PLCL2: variants seen among roughly 807,000 people sequenced by gnomAD.
The protein encoded by PLCL2 is phospholipase C like 2, also known as inactive phospholipase C-like protein 2.
Under a neutral mutation model 79.6 loss-of-function variants are expected in PLCL2, and 4 were observed. The observed-to-expected ratio is 0.05, with a 90% CI of 0.02 to 0.11. The LOEUF (loss-of-function observed/expected upper bound fraction) is 0.11. Ranked by LOEUF, PLCL2 falls within the 10% of genes least tolerant of loss-of-function variation. The pLI, the probability that PLCL2 is intolerant of heterozygous loss-of-function variation, is 1.00. For missense variants in PLCL2, 895 were observed against 1,291.0 expected (o/e 0.69, Z 4.70); for synonymous variants, 484 against 457.7 (o/e 1.06, Z -0.73).
chr3:16,960,691 TTGAG>T (rs1335425134), intron 1 of PLCL2, among the ~76,000 whole-genome samples: 1 of 152,214 alleles, frequency 6.6e-6, no homozygotes, highest in Non-Finnish European at 1.5e-5. Context: ...AGTCCTGTAA[TTGAG>T]TATTTTTCAT....
At chr3:16,985,644 ATTGCCTC>A (rs1263890245) in intron 1 of PLCL2, among the ~76,000 whole-genome samples, 1 of 152,146 alleles carries the variant, frequency 6.6e-6, no homozygotes, top group African/African-American at 2.4e-5. Flanking sequence ...ACATAGTGTT[ATTGCCTC>A]TATATTACCT....
chr3:16,972,725 A>G (rs1433853561), intron 1 of PLCL2, among the ~76,000 whole-genome samples: 1 of 152,102 alleles, frequency 6.6e-6, no homozygotes, highest in East Asian at 1.9e-4. Flanking sequence ...TGTATCCTTT[A>G]CCATTATGTA....
intron 1 of PLCL2, among the ~76,000 whole-genome samples, chr3:16,940,898 C>G (rs557367757): frequency 6.6e-5 from 10 of 152,316 alleles, no homozygotes; most frequent in Admixed American, 6.5e-4. Flanking sequence ...GGCTGCTGCT[C>G]CTACTTCTAC....
intron 4 of PLCL2, among the ~76,000 whole-genome samples, chr3:17,052,258 G>C (rs567975630): frequency 2.1e-4 from 31 of 148,308 alleles, no homozygotes; most frequent in African/African-American, 5.9e-4. Context: ...AAAAAATTGG[G>C]GGGGGGTGAA....
intron 1 of PLCL2, among the ~76,000 whole-genome samples, chr3:16,955,185 T>C (rs2063692682): frequency 6.6e-6 from 1 of 152,232 alleles, no homozygotes; most frequent in African/African-American, 2.4e-5. Context: ...CTTTAATCCA[T>C]CTTGAATTAA....
intron 3 of PLCL2, among the ~76,000 whole-genome samples, chr3:17,021,785 T>C (rs2064457940): frequency 6.6e-6 from 1 of 152,178 alleles, no homozygotes; most frequent in Admixed American, 6.6e-5. Context: ...ATGACTTTAA[T>C]AGATTTCAAC....
At chr3:16,931,759 A>C (rs1373865111) in intron 1 of PLCL2, among the ~76,000 whole-genome samples, 1 of 152,146 alleles carries the variant, frequency 6.6e-6, no homozygotes, top group East Asian at 1.9e-4. Flanking sequence ...AGGTTATTTT[A>C]AGAACTTGAT....
intron 1 of PLCL2, among the ~76,000 whole-genome samples, chr3:16,950,002 C>G (rs1009598010): frequency 5.9e-5 from 9 of 152,160 alleles, no homozygotes; most frequent in African/African-American, 1.9e-4. Flanking sequence ...TTCTATTAAT[C>G]TGGTCATCTA....
intron 4 of PLCL2, among the ~76,000 whole-genome samples, chr3:17,062,486 A>G (rs1004347466): frequency 7.9e-5 from 12 of 152,244 alleles, no homozygotes; most frequent in African/African-American, 2.9e-4. Flanking sequence ...TGTAGAATCA[A>G]GGAATCCTAG....
At chr3:17,035,745 T>A in intron 3 of PLCL2, 1 of 516,052 alleles carries the variant, frequency 1.9e-6, no homozygotes, top group South Asian at 1.4e-5. Flanking sequence ...CTCACTCCTC[T>A]TCTATCCATG....
At chr3:17,043,921 C>T (rs2064754698) in intron 4 of PLCL2, 2 of 152,192 alleles carry the variant, frequency 1.3e-5, no homozygotes, top group Non-Finnish European at 2.9e-5. Flanking sequence ...CAGGCTAACT[C>T]TCCCTACAAT....
At chr3:17,041,180 A>G (rs1230452466) in intron 3 of PLCL2, among the ~76,000 whole-genome samples, 1 of 152,216 alleles carries the variant, frequency 6.6e-6, no homozygotes, top group Non-Finnish European at 1.5e-5. Flanking sequence ...TGCCTGTTCA[A>G]TACGTCAAGC....
chr3:17,039,107 G>A (rs1206846597), intron 3 of PLCL2, among the ~76,000 whole-genome samples: 2 of 152,230 alleles, frequency 1.3e-5, no homozygotes, highest in East Asian at 1.9e-4. Flanking sequence ...ATGCAGAGAT[G>A]TTGAATCACT....
intron 1 of PLCL2, among the ~76,000 whole-genome samples, chr3:16,999,924 T>C: frequency 6.6e-6 from 1 of 152,216 alleles, no homozygotes; most frequent in South Asian, 2.1e-4. Flanking sequence ...TCTCTGCCTT[T>C]ACTCTGGCAT....
At chr3:16,944,422 A>G (rs576962025) in intron 1 of PLCL2, among the ~76,000 whole-genome samples, 1 of 152,314 alleles carries the variant, frequency 6.6e-6, no homozygotes, top group Admixed American at 6.5e-5. Flanking sequence ...GTGCCCCCTC[A>G]AAATTCATCT....
intron 1 of PLCL2, among the ~76,000 whole-genome samples, chr3:16,939,796 C>T (rs578225977): frequency 4.4e-4 from 67 of 152,240 alleles, no homozygotes; most frequent in African/African-American, 1.6e-3. Flanking sequence ...ATTTCCACTC[C>T]GTGTTTTCCT....
At position 17,014,893 on chromosome 3, in the gene PLCL2, C is replaced by G; in HGVS notation, c.3000C>G (p.Ile1000Met). The G allele has an allele frequency of 6.2e-7, 1 of 1,613,758 alleles. No individual in the cohort carries two copies. Residue 1000 changes from isoleucine (I) to methionine (M), a missense_variant, in exon 3 of 6, where the codon ATC becomes ATG. By Grantham distance (10) the Ile-to-Met change is conservative. This residue lies in a region of PLCL2 where 298 missense variants were observed against 459.6 expected (regional missense o/e 0.65). Coordinates refer to ENST00000615277, the MANE Select transcript of PLCL2 (RefSeq NM_001144382.2). ...TTGTGCCGGAGGTTCTGAAGAAGAT[C>G]GTAACAACTTATGACATGGTGAGTT... ...QGIVPEVLKKIVTTYDMMIQS... is the reference protein window; with the variant it reads ...QGIVPEVLKKMVTTYDMMIQS...
chr3:16,906,086 A>G (rs1264418032), intron 1 of PLCL2, among the ~76,000 whole-genome samples: 3 of 152,138 alleles, frequency 2.0e-5, no homozygotes, highest in Admixed American at 1.3e-4. Flanking sequence ...ATTGAAAATT[A>G]TATTTTATGA....
At position 17,010,122 on chromosome 3, in the gene PLCL2, T is replaced by A; in HGVS notation, c.776T>A (p.Met259Lys). ...LISYGKHTLD[M>K]LESSQDNMRT... ...TCTTATGGAAAACATACACTTGATA[T>A]GTTAGAAAGTAGCCAAGATAACATG... The change falls in exon 2 of 6, where the codon ATG becomes AAG. Residue 259 changes from methionine to lysine, a missense_variant. Around this residue, in one of 6 missense-constraint regions of PLCL2, gnomAD observed 129 missense variants for 208.8 expected, o/e 0.62. Transcript: ENST00000615277. The surrounding 1 kb of genome is among the most constrained non-coding windows in gnomAD (Gnocchi z 5.8). 6.2e-7 allele frequency: 1 copy of A among 1,614,138 alleles called. No individual in the cohort carries two copies. The highest frequency in any genetic ancestry group is 8.5e-7 in the Non-Finnish European group (1 of 1,179,998).
Sources: allele counts gnomAD v4.1 joint callset (sites outside exome capture counted in the v4.1 genomes callset), GRCh38; gene constraint gnomAD v4.1.1; regional missense constraint gnomAD v4.1.1; non-coding constraint Gnocchi (gnomAD v3.1); transcripts MANE v1.5; gene names NCBI Gene and HGNC (gene_info 2026-07-23, HGNC 2026-07-21).